The following SUPT3H variants were observed in gnomAD, a reference collection of about 807,000 sequenced individuals.
SUPT3H encodes SPT3 homolog, SAGA and STAGA complex component, also known as transcription initiation protein SPT3 homolog.
Under a neutral mutation model 44.3 loss-of-function variants are expected in SUPT3H, and 44 were observed. That is an observed-to-expected ratio of 0.99 (90% confidence interval 0.78 to 1.28). The LOEUF (loss-of-function observed/expected upper bound fraction) is 1.28, where lower values mean the gene tolerates loss of function less well. SUPT3H is among the 50% of genes most tolerant of loss of function. The probability of loss-of-function intolerance (pLI) is 0.00; values close to 1 mark genes in which losing one functional copy is unlikely to be tolerated. For synonymous variants in SUPT3H, 124 were observed against 125.6 expected (o/e 0.99, Z 0.09); for missense variants, 380 against 387.1 (o/e 0.98, Z 0.15).
At chr6:45,133,779 G>A (rs1803851237) in intron 2 of SUPT3H, among the ~76,000 whole-genome samples, 1 of 152,164 alleles carries the variant, frequency 6.6e-6, no homozygotes. Flanking sequence ...TTGCTAAAGA[G>A]GAGAAAACTT....
intron 2 of SUPT3H, among the ~76,000 whole-genome samples, chr6:45,146,625 A>G (rs1316052935): frequency 6.6e-6 from 1 of 152,190 alleles, no homozygotes; most frequent in East Asian, 1.9e-4. Context: ...TTTAATAGCT[A>G]AACATATTAA....
chr6:45,373,545 TTGTG>T (rs368652949), intron 1 of SUPT3H, among the ~76,000 whole-genome samples: 1 of 150,192 alleles, frequency 6.7e-6, no homozygotes, highest in Admixed American at 6.7e-5. Flanking sequence ...AAAATATTAT[TTGTG>T]TGTGTGTGTG....
chr6:44,872,556 A>G (rs1238128033), intron 10 of SUPT3H, among the ~76,000 whole-genome samples: 1 of 152,166 alleles, frequency 6.6e-6, no homozygotes, highest in African/African-American at 2.4e-5. Flanking sequence ...GACAAAATGT[A>G]AAGACCATCG....
At chr6:45,148,013 C>G (rs1486490146) in intron 2 of SUPT3H, among the ~76,000 whole-genome samples, 1 of 151,796 alleles carries the variant, frequency 6.6e-6, no homozygotes, top group Non-Finnish European at 1.5e-5. Context: ...TATCACGTAC[C>G]CACAGGTAAA....
intron 2 of SUPT3H, among the ~76,000 whole-genome samples, chr6:45,140,260 C>A (rs2153589189): frequency 6.6e-6 from 1 of 152,208 alleles, no homozygotes; most frequent in East Asian, 1.9e-4. Context: ...CTAAGCACGC[C>A]CCTACCTGAT....
chr6:45,311,878 C>T (rs112592239), intron 2 of SUPT3H, among the ~76,000 whole-genome samples: 3,949 of 152,012 alleles, frequency 0.026, 187 homozygotes, highest in African/African-American at 0.089. Flanking sequence ...AAAGCACACA[C>T]GACCTATAAA....
At chr6:45,359,440 A>G (rs1011544648) in intron 2 of SUPT3H, among the ~76,000 whole-genome samples, 2 of 152,152 alleles carry the variant, frequency 1.3e-5, no homozygotes, top group Non-Finnish European at 2.9e-5. Flanking sequence ...AAAATATCCC[A>G]AACAGATGCA....
At chr6:45,019,693 C>A (rs1384241211) in intron 4 of SUPT3H, among the ~76,000 whole-genome samples, 1 of 151,920 alleles carries the variant, frequency 6.6e-6, no homozygotes, top group Non-Finnish European at 1.5e-5. Context: ...GCATCTGGCG[C>A]CTTGTACCTA....
chr6:45,229,173 C>T (rs1303955895), intron 2 of SUPT3H, among the ~76,000 whole-genome samples: 2 of 151,952 alleles, frequency 1.3e-5, no homozygotes, highest in African/African-American at 2.4e-5. Flanking sequence ...TGAAATATTA[C>T]TTACTGGTTT....
chr6:45,090,814 T>C (rs1001437992), intron 3 of SUPT3H, among the ~76,000 whole-genome samples: 39 of 152,020 alleles, frequency 2.6e-4, no homozygotes, highest in African/African-American at 8.7e-4. Context: ...ATTATTCTTT[T>C]AACTATATGT....
intron 2 of SUPT3H, among the ~76,000 whole-genome samples, chr6:45,363,705 G>C (rs556880777): frequency 2.0e-5 from 3 of 151,820 alleles, no homozygotes; most frequent in African/African-American, 7.2e-5. Context: ...ATGTATATAA[G>C]CATAAACACT....
chr6:45,017,161 TC>T (rs1784418627), intron 4 of SUPT3H, among the ~76,000 whole-genome samples: 1 of 151,882 alleles, frequency 6.6e-6, no homozygotes, highest in Admixed American at 6.6e-5. Flanking sequence ...AAGTGTCTGT[TC>T]ATATCCTTTG....
chr6:45,090,872 TATC>T (rs1242541571), intron 3 of SUPT3H, among the ~76,000 whole-genome samples: 2 of 151,854 alleles, frequency 1.3e-5, no homozygotes, highest in Non-Finnish European at 2.9e-5. Flanking sequence ...CTTCTTGTAT[TATC>T]ATCAAATCTT....
At chr6:44,944,436 A>C (rs1047148543) in intron 9 of SUPT3H, among the ~76,000 whole-genome samples, 33 of 152,206 alleles carry the variant, frequency 2.2e-4, no homozygotes, top group African/African-American at 7.2e-4. Context: ...TTAATACATC[A>C]AATATCACAG....
In SUPT3H at chr6:45,178,767, A is replaced by G. The variant is rs151232275; in HGVS notation, c.102-72761T>C. On this transcript the variant is annotated intron_variant, in intron 2 of 10. Transcript: ENST00000371459. The stretch of plus-strand genomic sequence containing the variant: ...GAACTCAGGATTAAGAATCTCACTC[A>G]AAAGCGCTCAAGTACATGGAAACTG... Among the ~76,000 whole-genome samples the G allele has an allele frequency of 4.9e-4, 74 of 152,340 alleles. No homozygotes were observed. The East Asian group carries it at 0.013, about 26-fold the overall frequency.
rs184644347 is a variant in SUPT3H, at chr6:45,087,391, C to T, written c.186+18531G>A. On this transcript the variant is annotated intron_variant, in intron 3 of 10. Transcript: ENST00000371459. Reference sequence around the variant, plus strand: ...ACGAACTTAGGAAGTACAATTGCTTCTCTTAAAATTTTAGTACCTAGAATT... The same window carrying T: ...ACGAACTTAGGAAGTACAATTGCTTTTCTTAAAATTTTAGTACCTAGAATT... Among the ~76,000 whole-genome samples, 697 of 151,880 alleles carry T rather than the reference C, an allele frequency of 4.6e-3. 4 individuals carry two copies. The highest frequency in any genetic ancestry group is 7.4e-3 in the Non-Finnish European group (502 of 67,818).
chr6:44,989,528 G>A (rs1780309425), intron 6 of SUPT3H, among the ~76,000 whole-genome samples: 1 of 152,086 alleles, frequency 6.6e-6, no homozygotes, highest in Non-Finnish European at 1.5e-5. Context: ...CCCAGAAGCA[G>A]CATTGCTGGA....
At chr6:45,087,469 T>C (rs1020068000) in intron 3 of SUPT3H, among the ~76,000 whole-genome samples, 1 of 151,860 alleles carries the variant, frequency 6.6e-6, no homozygotes, top group Admixed American at 6.6e-5. Context: ...CTAATAACTT[T>C]ACCAATATTT....
chr6:45,252,530 C>T (rs1285267809), intron 2 of SUPT3H, among the ~76,000 whole-genome samples: 2 of 151,914 alleles, frequency 1.3e-5, no homozygotes, highest in Admixed American at 6.6e-5. Flanking sequence ...ACTGTTCTGG[C>T]GCTGCAGTTC....
Sources: allele counts gnomAD v4.1 joint callset (sites outside exome capture counted in the v4.1 genomes callset), GRCh38; gene constraint gnomAD v4.1.1; transcripts MANE v1.5; gene names NCBI Gene and HGNC (gene_info 2026-07-23, HGNC 2026-07-21).